Variants in TNFSF4 observed in about 807,000 individuals in gnomAD.
The protein encoded by TNFSF4 is tumor necrosis factor ligand superfamily member 4.
TNFSF4 carries 4 observed loss-of-function variants against 7.3 expected under a neutral mutation model. That is an observed-to-expected ratio of 0.55 (90% CI 0.27 to 1.25). The LOEUF (loss-of-function observed/expected upper bound fraction) is 1.25. Among genes scored for constraint, TNFSF4 ranks in the 50% most tolerant of loss-of-function variants. TNFSF4 has a pLI of 0.12. For synonymous variants in TNFSF4, 76 were observed against 83.7 expected (o/e 0.91, Z 0.50); for missense variants, 181 against 208.8 (o/e 0.87, Z 0.82).
the TNFSF4 span, among the ~76,000 whole-genome samples, chr1:173,258,945 G>C: frequency 3.3e-5 from 5 of 152,112 alleles, no homozygotes; most frequent in African/African-American, 1.2e-4. Context: ...TGGCTCTGAA[G>C]AGTCCAGGAA....
the TNFSF4 span, among the ~76,000 whole-genome samples, chr1:173,416,860 G>A: frequency 1.3e-5 from 2 of 152,088 alleles, no homozygotes; most frequent in East Asian, 3.9e-4. Flanking sequence ...GCCTCCCAAA[G>A]TGCTGGGATT....
the TNFSF4 span, among the ~76,000 whole-genome samples, chr1:173,281,594 C>T: frequency 6.6e-6 from 1 of 152,116 alleles, no homozygotes; most frequent in African/African-American, 2.4e-5. Context: ...AATATGCTTA[C>T]ATAAGAAAGC....
chr1:173,446,615 G>A, the TNFSF4 span, among the ~76,000 whole-genome samples: 2 of 152,188 alleles, frequency 1.3e-5, no homozygotes, highest in African/African-American at 4.8e-5. Context: ...CCTCAATCTG[G>A]GTGGGCACCA....
chr1:173,233,521 T>A, the TNFSF4 span, among the ~76,000 whole-genome samples: 18,192 of 152,174 alleles, frequency 0.12, 1,267 homozygotes, highest in South Asian at 0.16. Context: ...CCAAGACACA[T>A]AATTGTCAGA....
the TNFSF4 span, among the ~76,000 whole-genome samples, chr1:173,400,494 T>C: frequency 6.6e-6 from 1 of 152,186 alleles, no homozygotes; most frequent in Admixed American, 6.5e-5. Context: ...GAGGTCTTAA[T>C]TTCAAAAGGA....
the TNFSF4 span, among the ~76,000 whole-genome samples, chr1:173,298,810 G>A: frequency 6.6e-6 from 1 of 151,942 alleles, no homozygotes; most frequent in Admixed American, 6.6e-5. Context: ...TCTATGGTAA[G>A]TGGCAGATTT....
chr1:173,372,566 CTG>C, the TNFSF4 span, among the ~76,000 whole-genome samples: 1 of 152,226 alleles, frequency 6.6e-6, no homozygotes. Context: ...GCTGGCCTCA[CTG>C]TTTACAGGTA....
chr1:173,198,272 C>G (rs754356716), intron 1 of TNFSF4, among the ~76,000 whole-genome samples: 11 of 152,216 alleles, frequency 7.2e-5, no homozygotes, highest in Non-Finnish European at 1.6e-4. Context: ...TTCTAATATT[C>G]TCATTTCAAT....
chr1:173,424,191 C>G, the TNFSF4 span, among the ~76,000 whole-genome samples: 11 of 152,230 alleles, frequency 7.2e-5, no homozygotes, highest in Admixed American at 5.2e-4. Flanking sequence ...CACATTCAGA[C>G]CACACCAGAA....
At chr1:173,221,775 G>A in the TNFSF4 span, among the ~76,000 whole-genome samples, 2 of 152,238 alleles carry the variant, frequency 1.3e-5, no homozygotes, top group Middle Eastern at 6.8e-3. Context: ...ATGCAACTTG[G>A]CCTTGGTCAC....
At chr1:173,379,702 G>A in the TNFSF4 span, among the ~76,000 whole-genome samples, 1 of 151,944 alleles carries the variant, frequency 6.6e-6, no homozygotes, top group Admixed American at 6.6e-5. Flanking sequence ...GAGAAAGGCC[G>A]CAGCCTTAGT....
At chr1:173,404,509 A>G in the TNFSF4 span, among the ~76,000 whole-genome samples, 1 of 152,212 alleles carries the variant, frequency 6.6e-6, no homozygotes. Context: ...CAACATCCCT[A>G]TAAGGAACTG....
At chr1:173,361,685 G>T in the TNFSF4 span, among the ~76,000 whole-genome samples, 3 of 152,038 alleles carry the variant, frequency 2.0e-5, no homozygotes, top group South Asian at 6.2e-4. Context: ...TTAAAAGGAT[G>T]GTTGAGACAC....
At chr1:173,390,694 T>G in the TNFSF4 span, among the ~76,000 whole-genome samples, 2 of 152,066 alleles carry the variant, frequency 1.3e-5, no homozygotes, top group Admixed American at 1.3e-4. Context: ...ACAGAATACC[T>G]TATTAATTGT....
the TNFSF4 span, among the ~76,000 whole-genome samples, chr1:173,329,913 G>GTCA: frequency 8.1e-3 from 1,230 of 152,156 alleles, 18 homozygotes; most frequent in African/African-American, 0.027. Flanking sequence ...AAATGCCAGT[G>GTCA]TCATCACCTG....
chr1:173,245,810 T>C, the TNFSF4 span, among the ~76,000 whole-genome samples: 73 of 152,324 alleles, frequency 4.8e-4, no homozygotes, highest in African/African-American at 1.5e-3. Flanking sequence ...TCTACTTTTT[T>C]AGATTCCGCA....
chr1:173,233,323 A>G, the TNFSF4 span, among the ~76,000 whole-genome samples: 7 of 152,350 alleles, frequency 4.6e-5, no homozygotes, highest in South Asian at 1.5e-3. Context: ...GAAATATGGG[A>G]CTATGTGAAA....
chr1:173,333,103 C>A, the TNFSF4 span, among the ~76,000 whole-genome samples: 1 of 152,156 alleles, frequency 6.6e-6, no homozygotes, highest in Non-Finnish European at 1.5e-5. Context: ...GAAAGGCCTT[C>A]AGGACACAAG....
At chr1:173,266,521 C>A in the TNFSF4 span, among the ~76,000 whole-genome samples, 1 of 152,090 alleles carries the variant, frequency 6.6e-6, no homozygotes, top group African/African-American at 2.4e-5. Flanking sequence ...CCTTAAGATT[C>A]TTCTCAAATA....
Sources: allele counts gnomAD v4.1 joint callset (sites outside exome capture counted in the v4.1 genomes callset), GRCh38; gene constraint gnomAD v4.1.1; transcripts MANE v1.5; gene names NCBI Gene and HGNC (gene_info 2026-07-23, HGNC 2026-07-21).